TMTC2: variants seen among roughly 807,000 people sequenced by gnomAD.
TMTC2 encodes the protein transmembrane O-mannosyltransferase targeting cadherins 2, also known as protein O-mannosyl-transferase TMTC2.
TMTC2 carries 43 observed loss-of-function variants against 82.4 expected under a neutral mutation model. The observed-to-expected ratio is 0.52, with a 90% CI of 0.41 to 0.67. The LOEUF is 0.67. TMTC2 is among the 30% of genes least tolerant of loss of function. The probability of loss-of-function intolerance (pLI) is 0.00; values close to 1 mark genes in which losing one functional copy is unlikely to be tolerated. For missense variants in TMTC2, 919 were observed against 1,012.4 expected, an observed-to-expected ratio of 0.91 and a Z score of 1.25; for synonymous variants, 408 against 381.9, an observed-to-expected ratio of 1.07 and a Z score of -0.80.
chr12:82,715,860 G>A (rs1183868836), intron 1 of TMTC2, among the ~76,000 whole-genome samples: 1 of 152,158 alleles, frequency 6.6e-6, no homozygotes, highest in Non-Finnish European at 1.5e-5. Flanking sequence ...TGTAGCTGCT[G>A]TAAAAGGTTC....
At chr12:82,853,422 G>T (rs924221613) in intron 1 of TMTC2, among the ~76,000 whole-genome samples, 1 of 151,896 alleles carries the variant, frequency 6.6e-6, no homozygotes, top group Non-Finnish European at 1.5e-5. Context: ...TTTTTCTCAC[G>T]GTAAAATTAT....
chr12:82,845,599 G>A (rs958565497), intron 1 of TMTC2, among the ~76,000 whole-genome samples: 3 of 152,074 alleles, frequency 2.0e-5, no homozygotes, highest in Middle Eastern at 3.4e-3. Context: ...AGTATAGTAC[G>A]GTGAGAAGGA....
At chr12:83,036,549 G>A (rs1335537438) in intron 9 of TMTC2, among the ~76,000 whole-genome samples, 2 of 146,162 alleles carry the variant, frequency 1.4e-5, no homozygotes, top group Non-Finnish European at 3.0e-5. Context: ...ACATTTGACT[G>A]AGAAAATGGA....
intron 7 of TMTC2, among the ~76,000 whole-genome samples, chr12:82,969,862 A>C (rs1878373192): frequency 7.3e-6 from 1 of 137,252 alleles, no homozygotes; most frequent in East Asian, 2.3e-4. Context: ...AATTAGGTGA[A>C]TTACAAACAT....
chr12:83,110,511 C>G (rs997106928), intron 11 of TMTC2, among the ~76,000 whole-genome samples: 1 of 151,964 alleles, frequency 6.6e-6, no homozygotes, highest in Non-Finnish European at 1.5e-5. Flanking sequence ...TATGTTATGT[C>G]ACCAAAACTG....
chr12:83,019,281 A>C (rs550577759), intron 8 of TMTC2, among the ~76,000 whole-genome samples: 3 of 152,148 alleles, frequency 2.0e-5, no homozygotes, highest in African/African-American at 7.2e-5. Flanking sequence ...TCTTTCCTTC[A>C]CAGCCAGGTA....
At chr12:82,995,325 TACACACACACATAC>T (rs1879570034) in intron 8 of TMTC2, among the ~76,000 whole-genome samples, 2 of 65,080 alleles carry the variant, frequency 3.1e-5, no homozygotes, top group African/African-American at 7.9e-5. Context: ...CATTTGGTTA[TACACACACACATAC>T]ACACACACAC....
intron 3 of TMTC2, among the ~76,000 whole-genome samples, chr12:82,906,306 C>T (rs1202154603): frequency 6.6e-6 from 1 of 152,090 alleles, no homozygotes; most frequent in Non-Finnish European, 1.5e-5. Context: ...AATAATTTGT[C>T]ATGATATGTC....
chr12:83,065,948 T>A (rs1882902788), intron 11 of TMTC2, among the ~76,000 whole-genome samples: 1 of 152,006 alleles, frequency 6.6e-6, no homozygotes, highest in Non-Finnish European at 1.5e-5. Context: ...GATCTGTACA[T>A]CTTGTATTTT....
intron 2 of TMTC2, among the ~76,000 whole-genome samples, chr12:82,888,236 G>A (rs768754122): frequency 6.6e-6 from 1 of 152,118 alleles, no homozygotes; most frequent in African/African-American, 2.4e-5. Context: ...TTGTACAGAT[G>A]CAGTAATTTT....
chr12:83,132,692 G>T lies in TMTC2; in HGVS notation c.*303G>T, dbSNP rs555155388. ...GGGAGGGGTGGGTGTGTAAGTCACA[G>T]ATTTTGTTCATTTTCTGAAAGCTAA... On this transcript the variant is annotated 3_prime_UTR_variant, in exon 12 of 12. Coordinates refer to ENST00000321196, the MANE Select transcript of TMTC2 (RefSeq NM_152588.3). The T allele has an allele frequency of 3.1e-4, 93 of 298,522 alleles. 2 individuals carry two copies. Among genetic ancestry groups the T allele is most frequent in the African/African-American group, 1.9e-3 (87 of 45,022 alleles). The allele number at this position is 298,522 out of a possible 1,614,324, so 18.5% of individuals were successfully genotyped here.
At chr12:83,085,343 CT>C (rs1462828818) in intron 11 of TMTC2, among the ~76,000 whole-genome samples, 2 of 152,128 alleles carry the variant, frequency 1.3e-5, no homozygotes, top group African/African-American at 4.8e-5. Flanking sequence ...TTCTCATAGC[CT>C]TTTTATTTGT....
intron 1 of TMTC2, among the ~76,000 whole-genome samples, chr12:82,844,006 G>C (rs552892227): frequency 6.6e-6 from 1 of 152,176 alleles, no homozygotes; most frequent in African/African-American, 2.4e-5. Flanking sequence ...GGAGTATTAG[G>C]TGAGCAGATA....
At chr12:82,736,564 C>T (rs557542108) in intron 1 of TMTC2, among the ~76,000 whole-genome samples, 1 of 152,256 alleles carries the variant, frequency 6.6e-6, no homozygotes, top group South Asian at 2.1e-4. Context: ...AACCTAATAT[C>T]AGAATGACTT....
At chr12:82,800,455 C>T (rs759617367) in intron 1 of TMTC2, among the ~76,000 whole-genome samples, 5 of 152,184 alleles carry the variant, frequency 3.3e-5, no homozygotes, top group Non-Finnish European at 4.4e-5. Flanking sequence ...CAGCACCCAG[C>T]TGGACACCAG....
chr12:82,701,474 G>A (rs977816546), intron 1 of TMTC2, among the ~76,000 whole-genome samples: 6 of 151,620 alleles, frequency 4.0e-5, no homozygotes, highest in Admixed American at 6.6e-5. Flanking sequence ...AATCTTGGCC[G>A]GGCACTGTGG....
At chr12:83,006,652 A>G (rs1468574961) in intron 8 of TMTC2, among the ~76,000 whole-genome samples, 1 of 152,224 alleles carries the variant, frequency 6.6e-6, no homozygotes, top group African/African-American at 2.4e-5. Flanking sequence ...ACATGCACAC[A>G]CGTATGTTTA....
rs536605877 is a variant in TMTC2 at position 82,891,627 on chromosome 12, A to C, written c.655-4191A>C. On this transcript the variant is annotated intron_variant, in intron 2 of 11. Transcript: ENST00000321196. ...CCAGCCTAGTTGATAATTTTTAATAAAATTTTATGAGAAAGCATCAGAGAC... is the reference window on the plus strand; with the variant it reads ...CCAGCCTAGTTGATAATTTTTAATACAATTTTATGAGAAAGCATCAGAGAC... Among the ~76,000 whole-genome samples the C allele has an allele frequency of 6.6e-4, 101 of 152,246 alleles. No individual in the cohort carries two copies. In the South Asian group the frequency reaches 0.018, roughly 27 times the overall value.
At chr12:83,018,731 C>T (rs946854478) in intron 8 of TMTC2, among the ~76,000 whole-genome samples, 10 of 150,030 alleles carry the variant, frequency 6.7e-5, no homozygotes, top group Admixed American at 6.7e-5. Context: ...CTCTGAGTAT[C>T]ACTCAGGTCT....
Sources: gnomAD v4.1 joint callset for allele counts (sites outside exome capture counted in the v4.1 genomes callset) on GRCh38, gnomAD v4.1.1 for gene constraint, MANE v1.5 for transcripts, NCBI Gene and HGNC (gene_info 2026-07-23, HGNC 2026-07-21) for gene names.